Variants in NOVA1 observed in about 807,000 individuals in gnomAD.
NOVA1 encodes the protein RNA-binding protein Nova-1.
Under a neutral mutation model 38.0 loss-of-function variants are expected in NOVA1, and 7 were observed. That is an observed-to-expected ratio of 0.18 (90% CI 0.10 to 0.35). The LOEUF is 0.35. Among genes scored for constraint, NOVA1 ranks in the 10% least tolerant of loss-of-function variants. NOVA1 has a pLI of 1.00. For synonymous variants in NOVA1, 270 were observed against 232.5 expected (o/e 1.16, Z -1.47); for missense variants, 460 against 616.0 (o/e 0.75, Z 2.68).
intron 2 of NOVA1, among the ~76,000 whole-genome samples, chr14:26,526,721 A>C (rs1889325540): frequency 6.6e-6 from 1 of 152,160 alleles, no homozygotes; most frequent in Non-Finnish European, 1.5e-5. Flanking sequence ...TTTAGAATCA[A>C]GGGGATAAGA....
chr14:26,491,139 C>T (rs551764270), intron 2 of NOVA1, among the ~76,000 whole-genome samples: 30 of 151,564 alleles, frequency 2.0e-4, no homozygotes, highest in African/African-American at 7.0e-4. Flanking sequence ...CGTGAGCCAC[C>T]GTGCCCGGCC....
intron 2 of NOVA1, among the ~76,000 whole-genome samples, chr14:26,582,759 G>C (rs1160292743): frequency 2.0e-5 from 3 of 151,694 alleles, no homozygotes; most frequent in Non-Finnish European, 4.4e-5. Flanking sequence ...ATAGTAAAAA[G>C]ATTTTTACAG....
chr14:26,569,500 T>G (rs1892340847), intron 2 of NOVA1, among the ~76,000 whole-genome samples: 1 of 152,176 alleles, frequency 6.6e-6, no homozygotes, highest in Admixed American at 6.5e-5. Flanking sequence ...ATTAAAATAT[T>G]AACAAAAACA....
chr14:26,450,976 CT>C, intron 4 of NOVA1, among the ~76,000 whole-genome samples: 1 of 152,178 alleles, frequency 6.6e-6, no homozygotes, highest in East Asian at 1.9e-4. Context: ...TCGGCCAAGA[CT>C]TTTAAAAGAG....
chr14:26,465,989 G>C (rs572142523), intron 4 of NOVA1, among the ~76,000 whole-genome samples: 19 of 152,234 alleles, frequency 1.2e-4, no homozygotes, highest in African/African-American at 4.6e-4. Flanking sequence ...GGGGGGGAAG[G>C]GGGAGGCCAG....
intron 4 of NOVA1, among the ~76,000 whole-genome samples, chr14:26,463,841 G>A (rs1883900889): frequency 1.3e-5 from 2 of 152,114 alleles, no homozygotes; most frequent in South Asian, 4.1e-4. Context: ...CAGGTGGACA[G>A]TCAATATACC....
At chr14:26,559,607 G>A (rs556487883) in intron 2 of NOVA1, among the ~76,000 whole-genome samples, 1 of 152,090 alleles carries the variant, frequency 6.6e-6, no homozygotes. Flanking sequence ...AGAACTGGTA[G>A]TCATTATGGT....
chr14:26,466,715 G>A (rs1054544889), intron 4 of NOVA1, among the ~76,000 whole-genome samples: 12 of 152,050 alleles, frequency 7.9e-5, no homozygotes, highest in Non-Finnish European at 2.9e-5. Flanking sequence ...TGGGAGGTGG[G>A]GCCTTTTGGG....
intron 4 of NOVA1, among the ~76,000 whole-genome samples, chr14:26,467,506 G>T (rs895652674): frequency 6.6e-5 from 10 of 152,110 alleles, no homozygotes; most frequent in African/African-American, 2.2e-4. Context: ...GAAGAAATAG[G>T]GCATTAGCTG....
chr14:26,534,883 A>G (rs1381133919), intron 2 of NOVA1, among the ~76,000 whole-genome samples: 1 of 152,158 alleles, frequency 6.6e-6, no homozygotes, highest in Admixed American at 6.5e-5. Flanking sequence ...AGGGGCTGAG[A>G]GTCAAGGAAA....
At chr14:26,486,203 TGTC>T (rs1885873777) in intron 2 of NOVA1, among the ~76,000 whole-genome samples, 1 of 152,114 alleles carries the variant, frequency 6.6e-6, no homozygotes, top group Non-Finnish European at 1.5e-5. Flanking sequence ...TTTGGAGGTA[TGTC>T]TGTCTGTTTA....
At chr14:26,571,636 G>C (rs2037784137) in intron 2 of NOVA1, among the ~76,000 whole-genome samples, 1 of 152,140 alleles carries the variant, frequency 6.6e-6, no homozygotes, top group Non-Finnish European at 1.5e-5. Flanking sequence ...AGTTAACTAA[G>C]AATATCTCAC....
chr14:26,510,494 G>T (rs1436467713), intron 2 of NOVA1, among the ~76,000 whole-genome samples: 1 of 152,166 alleles, frequency 6.6e-6, no homozygotes, highest in Non-Finnish European at 1.5e-5. Flanking sequence ...CTTAAAAGTT[G>T]CAAAGGTCAA....
chr14:26,575,643 C>T (rs1208591530), intron 2 of NOVA1, among the ~76,000 whole-genome samples: 1 of 152,038 alleles, frequency 6.6e-6, no homozygotes, highest in African/African-American at 2.4e-5. Flanking sequence ...TCTACTTTAT[C>T]ACATATATCA....
At chr14:26,543,572 T>G (rs895422950) in intron 2 of NOVA1, among the ~76,000 whole-genome samples, 1 of 151,924 alleles carries the variant, frequency 6.6e-6, no homozygotes, top group African/African-American at 2.4e-5. Context: ...TTACTTAACT[T>G]GGACATTGAA....
chr14:26,521,528 C>A (rs1000503755), intron 2 of NOVA1, among the ~76,000 whole-genome samples: 26 of 151,960 alleles, frequency 1.7e-4, no homozygotes, highest in Non-Finnish European at 3.1e-4. Context: ...TAGACTGGTG[C>A]TTTTCCTTTT....
At chr14:26,583,423 TG>T (rs1893335980) in intron 2 of NOVA1, among the ~76,000 whole-genome samples, 1 of 151,542 alleles carries the variant, frequency 6.6e-6, no homozygotes, top group African/African-American at 2.4e-5. Context: ...AATTCAACCT[TG>T]AGTTACACAA....
intron 4 of NOVA1, among the ~76,000 whole-genome samples, chr14:26,470,836 G>A (rs178216): frequency 0.63 from 95,870 of 151,862 alleles, 32,778 homozygotes; most frequent in Non-Finnish European, 0.75. Flanking sequence ...TTGTATTGTG[G>A]TTGTGTTTGT....
chr14:26,518,729 G>C (rs970482632), intron 2 of NOVA1, among the ~76,000 whole-genome samples: 4 of 151,990 alleles, frequency 2.6e-5, no homozygotes, highest in African/African-American at 9.7e-5. Context: ...TTCTGCAATA[G>C]AACACCAGAA....
Sources: gnomAD v4.1 joint callset for allele counts (sites outside exome capture counted in the v4.1 genomes callset) on GRCh38, gnomAD v4.1.1 for gene constraint, MANE v1.5 for transcripts, NCBI Gene and HGNC (gene_info 2026-07-23, HGNC 2026-07-21) for gene names.